Variants in ZNF398 observed in about 807,000 individuals in gnomAD.
ZNF398 encodes the protein zinc finger DNA binding protein ZER6.
Under a neutral mutation model 41.9 loss-of-function variants are expected in ZNF398, and 18 were observed. The ratio of observed to expected loss-of-function variants is 0.43; its 90% CI spans 0.30 to 0.64. The LOEUF is 0.64. Ranked by LOEUF, ZNF398 falls within the 30% of genes least tolerant of loss-of-function variation. The pLI is 0.14. For synonymous variants in ZNF398, 260 were observed against 308.8 expected (o/e 0.84, Z 1.66); for missense variants, 669 against 822.8 (o/e 0.81, Z 2.29).
intron 1 of ZNF398, chr7:149,148,227 C>CAA (rs1827009967): frequency 6.1e-6 from 1 of 163,640 alleles, no homozygotes; most frequent in Non-Finnish European, 1.3e-5. Flanking sequence ...GCCTGGGCTC[C>CAA]CGGCACCGGA....
chr7:149,176,047 T>C (rs1283945306), intron 4 of ZNF398, among the ~76,000 whole-genome samples: 4 of 152,092 alleles, frequency 2.6e-5, no homozygotes, highest in African/African-American at 9.7e-5. Flanking sequence ...AAATAAATAT[T>C]TGGGGCCGGG....
intron 4 of ZNF398, among the ~76,000 whole-genome samples, chr7:149,167,922 C>A (rs1448792766): frequency 6.6e-6 from 1 of 151,734 alleles, no homozygotes; most frequent in African/African-American, 2.4e-5. Context: ...TTTTTTCTAA[C>A]ATTTTATTAT....
At chr7:149,127,493 T>C (rs1028130654) in intron 1 of ZNF398, among the ~76,000 whole-genome samples, 1 of 135,868 alleles carries the variant, frequency 7.4e-6, no homozygotes, top group Admixed American at 8.7e-5. Flanking sequence ...GATCACGAGG[T>C]CAGGAGAGCG....
At chr7:149,159,716 A>C (rs796788469) in intron 2 of ZNF398, among the ~76,000 whole-genome samples, 3 of 131,716 alleles carry the variant, frequency 2.3e-5, no homozygotes, top group African/African-American at 1.1e-4. Flanking sequence ...ACTTTTCCTC[A>C]AAAAAAAAAA....
chr7:149,139,353 C>T (rs1440331435), intron 2 of ZNF398, among the ~76,000 whole-genome samples: 2 of 152,064 alleles, frequency 1.3e-5, no homozygotes, highest in African/African-American at 4.8e-5. Flanking sequence ...ACCAGTGTAC[C>T]TGGTCTATTG....
At chr7:149,153,516 T>C (rs1467065054) in intron 1 of ZNF398, among the ~76,000 whole-genome samples, 1 of 152,170 alleles carries the variant, frequency 6.6e-6, no homozygotes, top group East Asian at 1.9e-4. Flanking sequence ...CATTACTGAA[T>C]GGTGTGGTTG....
intron 4 of ZNF398, among the ~76,000 whole-genome samples, chr7:149,172,616 T>C (rs1386264588): frequency 6.6e-6 from 1 of 152,210 alleles, no homozygotes; most frequent in African/African-American, 2.4e-5. Flanking sequence ...CCAAGATCTC[T>C]GGTAAGAACA....
At chr7:149,163,178 A>G (rs993284552) in intron 2 of ZNF398, among the ~76,000 whole-genome samples, 7 of 151,920 alleles carry the variant, frequency 4.6e-5, no homozygotes, top group Non-Finnish European at 5.9e-5. Context: ...CAATCAAACA[A>G]TGAACAAAAT....
rs200631421 is a variant in ZNF398, at chr7:149,178,903, C to T, written c.1031C>T (p.Ser344Leu). The T allele has an allele frequency of 1.3e-4, 208 of 1,614,180 alleles. No homozygotes were observed. Among genetic ancestry groups the T allele is most frequent in the Admixed American group, 2.0e-4 (12 of 60,018 alleles). Residue 344 changes from serine to leucine, a missense_variant, in exon 6 of 6, where the codon TCA becomes TTA. By Grantham distance (145) the Ser-to-Leu change is moderately radical. This residue lies in a region of ZNF398 where 290 missense variants were observed against 292.9 expected (regional missense o/e 0.99). Coordinates refer to ENST00000475153, the MANE Select transcript of ZNF398 (RefSeq NM_170686.3). ...CCTCCAGTTGGCGAGCAGGTGTTCT[C>T]ATGCCACCACTGTGGCAAGAATCTC... ...LPPPVGEQVF[S>L]CHHCGKNLSQ...
At chr7:149,160,830 T>C (rs1326349403) in intron 2 of ZNF398, among the ~76,000 whole-genome samples, 1 of 152,146 alleles carries the variant, frequency 6.6e-6, no homozygotes, top group Non-Finnish European at 1.5e-5. Flanking sequence ...TAGAGATTGG[T>C]CTGTGCCTTA....
chr7:149,168,110 A>G (rs976209091), intron 4 of ZNF398, among the ~76,000 whole-genome samples: 2 of 151,758 alleles, frequency 1.3e-5, no homozygotes, highest in African/African-American at 4.8e-5. Context: ...ATGGAGTCTC[A>G]CTCTGTCGCC....
chr7:149,131,641 G>A (rs142392344), intron 2 of ZNF398, among the ~76,000 whole-genome samples: 5,411 of 152,160 alleles, frequency 0.036, 313 homozygotes, highest in African/African-American at 0.12. Context: ...AGCCAAGATC[G>A]GGCCACTGCA....
chr7:149,172,829 C>T (rs1190403326), intron 4 of ZNF398, among the ~76,000 whole-genome samples: 4 of 152,142 alleles, frequency 2.6e-5, no homozygotes, highest in South Asian at 4.1e-4. Context: ...TATCACAGTA[C>T]AAGTAACAAT....
intron 2 of ZNF398, among the ~76,000 whole-genome samples, chr7:149,140,330 T>C (rs1826794524): frequency 6.6e-6 from 1 of 152,086 alleles, no homozygotes; most frequent in African/African-American, 2.4e-5. Context: ...ACATTAGACA[T>C]AATAATTCTA....
At chr7:149,135,408 A>C (rs550346492) in intron 2 of ZNF398, among the ~76,000 whole-genome samples, 1 of 148,678 alleles carries the variant, frequency 6.7e-6, no homozygotes, top group Admixed American at 6.8e-5. Context: ...AAAAAAAAAA[A>C]AAAGAAAGAA....
Position 149,147,690 on chromosome 7 carries a change from C to A in ZNF398, c.-53C>A. On this transcript the variant is annotated 5_prime_UTR_variant, in exon 1 of 6. Coordinates refer to ENST00000475153, the MANE Select transcript of ZNF398 (RefSeq NM_170686.3). The surrounding 1 kb of genome is among the most constrained non-coding windows in gnomAD (Gnocchi z 5.6). The stretch of plus-strand genomic sequence containing the variant: ...GCCTGCTTGGAGCCGGGCGCGGTGG[C>A]AGCGGCGGCAGCGGCGGCGACTTCC... The A allele has an allele frequency of 7.8e-7, 1 of 1,275,884 alleles. No individual in the cohort carries two copies. Among genetic ancestry groups the A allele is most frequent in the South Asian group, 2.6e-5 (1 of 38,190 alleles). 79.0% of individuals were successfully genotyped at this position (1,275,884 alleles called of 1,614,324 possible).
rs1462980034 is a variant in ZNF398, at chr7:149,181,115, G to T, written c.*1314G>T. The T allele has an allele frequency of 6.6e-6, 1 of 152,518 alleles. No homozygotes were observed. Among genetic ancestry groups the T allele is most frequent in the Non-Finnish European group, 1.5e-5 (1 of 68,026 alleles). 9.4% of individuals were successfully genotyped at this position (152,518 alleles called of 1,614,324 possible). A position where few individuals can be genotyped will look rare whatever the true frequency, so the allele number is the denominator to read the frequency against. ...GGGCCTAAGTTCTGTTTCCTTTATG[G>T]ATCTCAAATTTTCATCTGCACAATG... On this transcript the variant is annotated 3_prime_UTR_variant, in exon 6 of 6. Transcript: ENST00000475153.
At chr7:149,144,401 C>T (rs1265882629), upstream of ZNF398, among the ~76,000 whole-genome samples, 1 of 152,044 alleles carries the variant, frequency 6.6e-6, no homozygotes, top group Non-Finnish European at 1.5e-5. Context: ...GCTTCAACCT[C>T]CCTGGCTCAA....
chr7:149,134,657 A>T (rs1254124711), intron 2 of ZNF398, among the ~76,000 whole-genome samples: 1 of 152,074 alleles, frequency 6.6e-6, no homozygotes, highest in African/African-American at 2.4e-5. Flanking sequence ...TAAAAGAGTA[A>T]CACCTAATCA....
Sources: gnomAD v4.1 joint callset for allele counts (sites outside exome capture counted in the v4.1 genomes callset) on GRCh38, gnomAD v4.1.1 for gene constraint, gnomAD v4.1.1 regional missense constraint, Gnocchi (gnomAD v3.1) non-coding constraint, MANE v1.5 for transcripts, NCBI Gene and HGNC (gene_info 2026-07-23, HGNC 2026-07-21) for gene names.